WWOX: variants seen among roughly 807,000 people sequenced by gnomAD.
WWOX encodes WW domain containing oxidoreductase, also known as WW domain-containing oxidoreductase.
WWOX carries 69 observed loss-of-function variants against 46.2 expected under a neutral mutation model. The ratio of observed to expected loss-of-function variants is 1.49; its 90% confidence interval spans 1.23 to 1.82. The LOEUF is 1.82. Among genes scored for constraint, WWOX ranks in the 40% most tolerant of loss-of-function variants. The pLI, the probability that WWOX is intolerant of heterozygous loss-of-function variation, is 0.00. For missense variants in WWOX, 919 were observed against 542.6 expected (o/e 1.69, Z -6.89); for synonymous variants, 359 against 202.6 (o/e 1.77, Z -6.56).
intron 8 of WWOX, among the ~76,000 whole-genome samples, chr16:79,193,503 C>A (rs1363697522): frequency 6.6e-6 from 1 of 152,188 alleles, no homozygotes; most frequent in African/African-American, 2.4e-5. Context: ...CTTCTGCTCC[C>A]TTCTTCAGGG....
intron 1 of WWOX, among the ~76,000 whole-genome samples, chr16:78,107,445 G>A (rs988796822): frequency 1.3e-5 from 2 of 152,162 alleles, no homozygotes; most frequent in African/African-American, 2.4e-5. Context: ...AGTGCTATGC[G>A]AAACCCTGGA....
chr16:79,179,333 A>G (rs769514878), intron 8 of WWOX, among the ~76,000 whole-genome samples: 7 of 152,180 alleles, frequency 4.6e-5, no homozygotes, highest in Admixed American at 2.6e-4. Flanking sequence ...ACCAGCCATG[A>G]GAGGTACTCT....
chr16:79,170,288 T>C (rs1567595697), intron 8 of WWOX, among the ~76,000 whole-genome samples: 1 of 152,210 alleles, frequency 6.6e-6, no homozygotes, highest in Non-Finnish European at 1.5e-5. Flanking sequence ...AATTTATAGT[T>C]GAGGAAATAG....
chr16:78,360,418 C>G (rs905223690), intron 5 of WWOX, among the ~76,000 whole-genome samples: 2 of 151,850 alleles, frequency 1.3e-5, no homozygotes, highest in African/African-American at 4.8e-5. Context: ...AATCCTGTCT[C>G]TACTAAAAAT....
intron 6 of WWOX, among the ~76,000 whole-genome samples, chr16:78,397,799 A>G (rs550820482): frequency 1.3e-5 from 2 of 152,332 alleles, no homozygotes; most frequent in East Asian, 1.9e-4. Context: ...TGCTGGGATT[A>G]TAGGCGTGAG....
At chr16:79,052,797 G>C (rs1361433731) in intron 8 of WWOX, among the ~76,000 whole-genome samples, 5 of 152,198 alleles carry the variant, frequency 3.3e-5, no homozygotes. Flanking sequence ...TTAAATTCCT[G>C]TTCGAGTGCT....
chr16:78,351,866 A>C (rs915255108), intron 5 of WWOX, among the ~76,000 whole-genome samples: 4 of 152,314 alleles, frequency 2.6e-5, no homozygotes, highest in East Asian at 1.9e-4. Context: ...CATGTTGGCC[A>C]GGCTGGTCTC....
intron 8 of WWOX, among the ~76,000 whole-genome samples, chr16:78,585,505 A>G (rs1341472398): frequency 6.6e-6 from 1 of 152,146 alleles, no homozygotes; most frequent in Non-Finnish European, 1.5e-5. Flanking sequence ...GGGTTAATTT[A>G]GCAAACCCCA....
intron 8 of WWOX, among the ~76,000 whole-genome samples, chr16:78,916,582 T>C (rs138924012): frequency 3.3e-5 from 5 of 152,322 alleles, no homozygotes; most frequent in African/African-American, 1.2e-4. Flanking sequence ...GAGATACTGA[T>C]AATAATTATA....
At chr16:79,160,860 A>G (rs574149176) in intron 8 of WWOX, among the ~76,000 whole-genome samples, 1 of 146,360 alleles carries the variant, frequency 6.8e-6, no homozygotes, top group South Asian at 2.3e-4. Flanking sequence ...GTATACACGC[A>G]CACATACATA....
chr16:79,161,393 A>G (rs1396424100), intron 8 of WWOX, among the ~76,000 whole-genome samples: 1 of 152,240 alleles, frequency 6.6e-6, no homozygotes, highest in Non-Finnish European at 1.5e-5. Context: ...AGTCCACAGC[A>G]TAAGCTTGAC....
intron 6 of WWOX, among the ~76,000 whole-genome samples, chr16:78,389,664 G>A (rs183900524): frequency 6.6e-6 from 1 of 152,126 alleles, no homozygotes; most frequent in Admixed American, 6.5e-5. Flanking sequence ...TTTATCCAAG[G>A]CATGTGGAAT....
chr16:78,555,660 T>C lies in WWOX; in HGVS notation c.1056+122908T>C, dbSNP rs548780127. 2.3e-4 allele frequency among the ~76,000 whole-genome samples: 35 copies of C among 151,664 alleles called. No homozygotes were observed. In the South Asian group the frequency reaches 7.1e-3, roughly 31 times the overall value. ...CGTCTGAAGGGCTTTAGTCCTCTTA[T>C]GAGCAAGGCAAAAGGGACAATGTTC... On this transcript the variant is annotated intron_variant, in intron 8 of 8. Coordinates refer to ENST00000566780, the MANE Select transcript of WWOX (RefSeq NM_016373.4).
intron 5 of WWOX, among the ~76,000 whole-genome samples, chr16:78,322,490 G>A (rs117067098): frequency 7.3e-4 from 111 of 152,318 alleles, no homozygotes; most frequent in Middle Eastern, 3.4e-3. Flanking sequence ...CAGTGAGATA[G>A]ATGTTATTAG....
At chr16:78,319,532 G>A (rs2080422860) in intron 5 of WWOX, among the ~76,000 whole-genome samples, 1 of 152,078 alleles carries the variant, frequency 6.6e-6, no homozygotes, top group Non-Finnish European at 1.5e-5. Flanking sequence ...AATCTGCTGA[G>A]ATTACAGGAC....
intron 8 of WWOX, among the ~76,000 whole-genome samples, chr16:78,458,476 G>A (rs1440172312): frequency 6.6e-6 from 1 of 151,942 alleles, no homozygotes; most frequent in Non-Finnish European, 1.5e-5. Context: ...GCCCAGGCTG[G>A]TCTGGAACTC....
chr16:78,716,440 C>T (rs191947650), intron 8 of WWOX, among the ~76,000 whole-genome samples: 6 of 152,254 alleles, frequency 3.9e-5, no homozygotes, highest in Admixed American at 3.3e-4. Context: ...GGGATGAATG[C>T]TCCTGCCAAA....
chr16:78,746,195 G>C (rs935186987), intron 8 of WWOX, among the ~76,000 whole-genome samples: 2 of 152,206 alleles, frequency 1.3e-5, no homozygotes, highest in South Asian at 2.1e-4. Context: ...AGCTGACGTA[G>C]TTGGGTCTAA....
At chr16:78,855,900 C>G (rs1168429108) in intron 8 of WWOX, among the ~76,000 whole-genome samples, 3 of 152,174 alleles carry the variant, frequency 2.0e-5, no homozygotes, top group Admixed American at 1.3e-4. Flanking sequence ...TCTCATGTAA[C>G]TCGAAGTCTT....
Sources: gnomAD v4.1 joint callset for allele counts (sites outside exome capture counted in the v4.1 genomes callset) on GRCh38, gnomAD v4.1.1 for gene constraint, MANE v1.5 for transcripts, NCBI Gene and HGNC (gene_info 2026-07-23, HGNC 2026-07-21) for gene names.